The following LRGUK variants were observed in gnomAD, a reference collection of about 807,000 sequenced individuals.
The protein encoded by LRGUK is leucine rich repeats and guanylate kinase domain containing.
LRGUK carries 65 observed loss-of-function variants against 76.0 expected under a neutral mutation model. That is an observed-to-expected ratio of 0.85 (90% CI 0.70 to 1.05). LRGUK has a LOEUF of 1.05. LRGUK is among the 50% of genes least tolerant of loss of function. The pLI is 0.00. For missense variants in LRGUK, 758 were observed against 732.8 expected (o/e 1.03, Z -0.40); for synonymous variants, 268 against 265.6 (o/e 1.01, Z -0.09).
In LRGUK at chr7:134,256,436, G is replaced by T. The variant is rs1032261880; in HGVS notation, c.2199-1821G>T. 2.9e-5 allele frequency among the ~76,000 whole-genome samples: 4 copies of T among 139,736 alleles called. No individual in the cohort carries two copies. In the East Asian group the frequency reaches 8.4e-4, roughly 29 times the overall value. 91.7% of individuals were successfully genotyped at this position (139,736 alleles called of 152,430 possible). A position where few individuals can be genotyped will look rare whatever the true frequency, so the allele number is the denominator to read the frequency against. On this transcript the variant is annotated intron_variant, in intron 18 of 19. Coordinates refer to the LRGUK transcript ENST00000285928. The stretch of plus-strand genomic sequence containing the variant: ...ATGGCGCCATTGCACTCCATCCTGG[G>T]CAACAAGAGCGAAACTCTGTCTCAA...
rs140552727 is a variant in LRGUK, at chr7:134,172,478, C to T, written c.940-2078C>T. ...CTTTACAAAAAAATTAGATACAAGA[C>T]GATCTCTTTAGTATAAACCCCTTGA... On this transcript the variant is annotated intron_variant, in intron 7 of 15. Coordinates refer to ENST00000645682, the Ensembl canonical transcript of LRGUK. 4.2e-3 allele frequency among the ~76,000 whole-genome samples: 639 copies of T among 152,226 alleles called. 4 individuals carry two copies. The highest frequency in any genetic ancestry group is 0.014 in the African/African-American group (588 of 41,534).
At chr7:134,195,137 C>T (rs1287985098) in intron 12 of LRGUK, among the ~76,000 whole-genome samples, 4 of 151,796 alleles carry the variant, frequency 2.6e-5, no homozygotes, top group Non-Finnish European at 5.9e-5. Flanking sequence ...GCCAGTTTAT[C>T]GATCTGGGTG....
At chr7:134,239,531 T>C (rs988314503) in intron 16 of LRGUK, among the ~76,000 whole-genome samples, 2 of 152,032 alleles carry the variant, frequency 1.3e-5, no homozygotes, top group Non-Finnish European at 2.9e-5. Flanking sequence ...GAGGCTTGAG[T>C]AGGTAAACAA....
rs375044852 is a variant in LRGUK, at chr7:134,209,072, G to T, written c.2209G>T (p.Val737Phe). Reference sequence around the variant, plus strand: ...AAAACAAATAGCCACTGAGACAGATGTCCCTGAGGTGGAAGCCAGTGAGGT... The same window carrying T: ...AAAACAAATAGCCACTGAGACAGATTTCCCTGAGGTGGAAGCCAGTGAGGT... The change falls in exon 16 of 16, where the codon GTC (valine) becomes TTC (phenylalanine). Residue 737 changes from valine (V) to phenylalanine (F), a missense_variant. Val to Phe is a conservative substitution (Grantham distance 50, BLOSUM62 -1). Coordinates refer to ENST00000645682, the Ensembl canonical transcript of LRGUK. 8.6e-4 allele frequency: 343 copies of T among 399,200 alleles called. 3 individuals are homozygous for T. The East Asian group carries it at 9.2e-3, about 11-fold the overall frequency. 24.7% of individuals were successfully genotyped at this position (399,200 alleles called of 1,614,324 possible).
At chr7:134,209,117 C>G in exon 16 of LRGUK, 1 of 399,160 alleles carries the variant, frequency 2.5e-6, no homozygotes, top group African/African-American at 2.1e-5. Context: ...TCCCATCACC[C>G]CGACCCTGGT....
At chr7:134,263,942 C>T (rs762910381) in exon 20 of LRGUK, 21 of 1,612,694 alleles carry the variant, frequency 1.3e-5, no homozygotes, top group Non-Finnish European at 1.7e-5. Flanking sequence ...ACGTCAAACC[C>T]ACCCTCCCTC....
Position 134,225,412 on chromosome 7 carries a change from C to G in LRGUK, c.1983+3494C>G, listed in dbSNP as rs73441371. ...GAGCAGCCCCCATAATCCACAGCAT[C>G]TAGAACCCAGTGTGGAGCATGTGTT... On this transcript the variant is annotated intron_variant, in intron 16 of 19. Coordinates refer to the LRGUK transcript ENST00000285928. Among the ~76,000 whole-genome samples the G allele has an allele frequency of 2.9e-3, 437 of 152,300 alleles. 2 individuals carry two copies. Among genetic ancestry groups the G allele is most frequent in the African/African-American group, 0.01 (420 of 41,572 alleles).
chr7:134,273,233 T>C, the LRGUK span, among the ~76,000 whole-genome samples: 1 of 152,076 alleles, frequency 6.6e-6, no homozygotes, highest in African/African-American at 2.4e-5. Context: ...GGAAGACATA[T>C]TGGGATGTAG....
the LRGUK span, among the ~76,000 whole-genome samples, chr7:134,274,341 A>G: frequency 6.6e-6 from 1 of 152,222 alleles, no homozygotes; most frequent in East Asian, 1.9e-4. Context: ...ATTACAATAA[A>G]GAAATAAAAG....
chr7:134,258,123 C>T, intron 18 of LRGUK, 134 bp from the exon 19 acceptor site: 2 of 1,085,338 alleles, frequency 1.8e-6, no homozygotes, highest in Non-Finnish European at 2.7e-6. Context: ...AACACTAGCT[C>T]AACACAAGAC....
At position 134,191,765 on chromosome 7, in the gene LRGUK, C is replaced by T. The variant is rs1201710448; in HGVS notation, c.1431+14C>T. On this transcript the variant is annotated intron_variant, in intron 12 of 15. Coordinates refer to ENST00000645682, the Ensembl canonical transcript of LRGUK. The stretch of plus-strand genomic sequence containing the variant: ...ATGGTGAACATGGTAAGAATGTTTG[C>T]CTTTGTTTTTATTGCACAAGAAATA... The T allele has an allele frequency of 6.5e-7, 1 of 1,550,366 alleles. No homozygotes were observed. Among genetic ancestry groups the T allele is most frequent in the East Asian group, 2.3e-5 (1 of 44,252 alleles).
chr7:134,209,525 C>G, exon 16 of LRGUK: 1 of 399,228 alleles, frequency 2.5e-6, no homozygotes, highest in Non-Finnish European at 4.4e-6. Context: ...GACCTTGCTT[C>G]CTAGAAGCCG....
intron 6 of LRGUK, among the ~76,000 whole-genome samples, chr7:134,161,445 CAT>C (rs1798728260): frequency 6.6e-6 from 1 of 151,658 alleles, no homozygotes; most frequent in Admixed American, 6.6e-5. Flanking sequence ...ATTTTTCAAA[CAT>C]ATATAAAAAT....
chr7:134,200,026 A>ATATG (rs1563178760), intron 14 of LRGUK, among the ~76,000 whole-genome samples: 2 of 115,098 alleles, frequency 1.7e-5, no homozygotes, highest in African/African-American at 6.8e-5. Context: ...ATATATATAT[A>ATATG]TATGTATAAT....
chr7:134,172,660 T>C (rs1331721407), intron 7 of LRGUK, among the ~76,000 whole-genome samples: 1 of 152,144 alleles, frequency 6.6e-6, no homozygotes, highest in Non-Finnish European at 1.5e-5. Flanking sequence ...ACACATCTCC[T>C]CTTAACATTA....
intron 7 of LRGUK, among the ~76,000 whole-genome samples, chr7:134,168,599 C>G (rs1012555386): frequency 7.9e-5 from 12 of 152,080 alleles, no homozygotes; most frequent in Non-Finnish European, 1.3e-4. Context: ...GGACAAGGGC[C>G]TTCAATCAGG....
intron 18 of LRGUK, among the ~76,000 whole-genome samples, chr7:134,250,912 G>C (rs1332946513): frequency 6.6e-6 from 1 of 152,196 alleles, no homozygotes; most frequent in Non-Finnish European, 1.5e-5. Flanking sequence ...TTCACCCGTG[G>C]TCATGCATAT....
chr7:134,222,711 C>G (rs143265851), intron 16 of LRGUK, among the ~76,000 whole-genome samples: 2 of 151,886 alleles, frequency 1.3e-5, no homozygotes, highest in African/African-American at 4.8e-5. Context: ...CAGGTTCAAG[C>G]GATTCTCCTG....
At chr7:134,223,004 T>C (rs1801640920) in intron 16 of LRGUK, among the ~76,000 whole-genome samples, 1 of 152,206 alleles carries the variant, frequency 6.6e-6, no homozygotes, top group East Asian at 1.9e-4. Context: ...GCAAAAAGTC[T>C]TAGGCTGGGG....
Sources: allele counts gnomAD v4.1 joint callset (sites outside exome capture counted in the v4.1 genomes callset), GRCh38; gene constraint gnomAD v4.1.1; transcripts MANE v1.5; gene names NCBI Gene and HGNC (gene_info 2026-07-23, HGNC 2026-07-21).